SEPTIN9: variants seen among roughly 807,000 people sequenced by gnomAD.
SEPTIN9 encodes the protein septin 9.
In SEPTIN9, 13 loss-of-function variants were observed where a neutral mutation model predicts 56.6. That is an observed-to-expected ratio of 0.23 (90% CI 0.15 to 0.37). The LOEUF (loss-of-function observed/expected upper bound fraction) is 0.37. SEPTIN9 is among the 10% of genes least tolerant of loss of function. The probability of loss-of-function intolerance (pLI) is 1.00; values close to 1 mark genes in which losing one functional copy is unlikely to be tolerated. For synonymous variants in SEPTIN9, 332 were observed against 334.1 expected, an observed-to-expected ratio of 0.99 and a Z score of 0.07; for missense variants, 650 against 823.1, an observed-to-expected ratio of 0.79 and a Z score of 2.57.
chr17:77,377,747 C>T (rs1407684722), intron 2 of SEPTIN9, among the ~76,000 whole-genome samples: 1 of 152,214 alleles, frequency 6.6e-6, no homozygotes, highest in Non-Finnish European at 1.5e-5. Flanking sequence ...CCTCTTTCCT[C>T]TCTAGAGAAA....
In SEPTIN9 at chr17:77,450,502, A is replaced by G. The variant is rs1330486697; in HGVS notation, c.722-31642A>G. 1.0e-6 allele frequency: 1 copy of G among 985,264 alleles called. No individual in the cohort carries two copies. The highest frequency in any genetic ancestry group is 1.7e-5 in the African/African-American group (1 of 57,186). The allele number at this position is 985,264 out of a possible 1,614,324, so 61.0% of individuals were successfully genotyped here. ...CCCAGGCGCTCTCTCCTAGTGTGGG[A>G]GTGGCCACGCCCCTGCTGGGAGTGA... On this transcript the variant is annotated intron_variant, in intron 3 of 11. Transcript: ENST00000427177. The surrounding 1 kb of genome is among the most constrained non-coding windows in gnomAD (Gnocchi z 6.0).
intron 2 of SEPTIN9, among the ~76,000 whole-genome samples, chr17:77,361,157 A>G (rs765005668): frequency 6.6e-6 from 1 of 151,960 alleles, no homozygotes; most frequent in African/African-American, 2.4e-5. Context: ...CTCCTTACCT[A>G]AGGTGATCCA....
chr17:77,484,550 G>GTGA (rs1312536418), intron 4 of SEPTIN9, among the ~76,000 whole-genome samples: 1 of 145,300 alleles, frequency 6.9e-6, no homozygotes, highest in African/African-American at 2.6e-5. Flanking sequence ...GGTGATGGTG[G>GTGA]TGATGATGGT....
At position 77,500,397 on chromosome 17, in the gene SEPTIN9, T is replaced by TGGGGGG; in HGVS notation, c.*1742_*1743insGGGGGG. The TGGGGGG allele has an allele frequency of 6.1e-6, 1 of 163,258 alleles. No homozygotes were observed. The highest frequency in any genetic ancestry group is 1.3e-4 in the East Asian group (1 of 7,784). The allele number at this position is 163,258 out of a possible 1,614,324, so 10.1% of individuals were successfully genotyped here. Reference sequence around the variant, plus strand: ...ACTTGGTGGCGGGGTGGGGTGGGGGTGGGCAGCAGCATCCCAGCCTTGAGA... The same window carrying TGGGGGG: ...ACTTGGTGGCGGGGTGGGGTGGGGGTGGGGGGGGGCAGCAGCATCCCAGCCTTGAGA... On this transcript the variant is annotated 3_prime_UTR_variant, in exon 12 of 12. Transcript: ENST00000427177.
intron 2 of SEPTIN9, among the ~76,000 whole-genome samples, chr17:77,315,373 C>T (rs1249910559): frequency 1.3e-5 from 2 of 152,002 alleles, no homozygotes; most frequent in Admixed American, 1.3e-4. Context: ...CTGCAACCTC[C>T]ACCTCCCAGG....
At chr17:77,365,471 T>C (rs1170229503) in intron 2 of SEPTIN9, among the ~76,000 whole-genome samples, 2 of 152,164 alleles carry the variant, frequency 1.3e-5, no homozygotes, top group Non-Finnish European at 2.9e-5. Context: ...CTTTCCTCTT[T>C]TTTGAACAGC....
chr17:77,430,990 CA>C (rs144630121), intron 3 of SEPTIN9, among the ~76,000 whole-genome samples: 7,836 of 126,708 alleles, frequency 0.062, 582 homozygotes, highest in African/African-American at 0.2. Context: ...TACTCCGTAT[CA>C]AAAAAAAAAA....
chr17:77,475,449 C>T lies in SEPTIN9; in HGVS notation c.722-6695C>T. 2.6e-6 allele frequency: 4 copies of T among 1,536,958 alleles called. No individual in the cohort carries two copies. Among genetic ancestry groups the T allele is most frequent in the Non-Finnish European group, 3.5e-6 (4 of 1,145,468 alleles). Reference sequence around the variant, plus strand: ...TAGCATTGCCTGCATCAGGGACTCACTCAGCTTTAAGAAGCCCCTTTGTGG... The same window carrying T: ...TAGCATTGCCTGCATCAGGGACTCATTCAGCTTTAAGAAGCCCCTTTGTGG... On this transcript the variant is annotated intron_variant, in intron 3 of 11. Coordinates refer to ENST00000427177, the MANE Select transcript of SEPTIN9 (RefSeq NM_001113491.2). This position sits in a 1 kb window ranked among gnomAD's most constrained non-coding sequence, Gnocchi z 4.6.
At chr17:77,477,300 C>T (rs2039256531) in intron 3 of SEPTIN9, among the ~76,000 whole-genome samples, 1 of 152,148 alleles carries the variant, frequency 6.6e-6, no homozygotes, top group Admixed American at 6.5e-5. Flanking sequence ...ATCCTCGGTA[C>T]ACAGTCACTC....
At position 77,328,187 on chromosome 17, in the gene SEPTIN9, G is replaced by A. The variant is rs373589076; in HGVS notation, c.76+20990G>A. On this transcript the variant is annotated intron_variant, in intron 2 of 11. Coordinates refer to ENST00000427177, the MANE Select transcript of SEPTIN9 (RefSeq NM_001113491.2). Reference sequence around the variant, plus strand: ...CCCAGTGTGTCCCTGTATCCAGGGCGTCCCCATGCCCAGGGTGTCCCCATG... The same window carrying A: ...CCCAGTGTGTCCCTGTATCCAGGGCATCCCCATGCCCAGGGTGTCCCCATG... Among the ~76,000 whole-genome samples, 70 of 142,874 alleles carry A rather than the reference G, an allele frequency of 4.9e-4. 1 individual carries two copies. The South Asian group carries it at 7.9e-3, about 16-fold the overall frequency. The allele number at this position is 142,874 out of a possible 152,430, so 93.7% of individuals were successfully genotyped here.
intron 8 of SEPTIN9, 47 bp downstream of exon 8, chr17:77,490,906 GA>G: frequency 6.9e-7 from 1 of 1,439,054 alleles, no homozygotes; most frequent in Non-Finnish European, 9.6e-7. Flanking sequence ...GCAACCTGGA[GA>G]CGCTGCAGGC....
chr17:77,284,421 C>T (rs558655819), intron 1 of SEPTIN9, among the ~76,000 whole-genome samples: 4 of 152,306 alleles, frequency 2.6e-5, no homozygotes, highest in South Asian at 2.1e-4. Context: ...CAGGCTTTCC[C>T]GATTGCCTCA....
intron 2 of SEPTIN9, among the ~76,000 whole-genome samples, chr17:77,311,576 C>G (rs2032495699): frequency 6.6e-6 from 1 of 152,176 alleles, no homozygotes. Flanking sequence ...GCAGGAGTGC[C>G]TGGCTCCACC....
chr17:77,338,455 A>G (rs376898412), intron 2 of SEPTIN9, among the ~76,000 whole-genome samples: 64 of 151,692 alleles, frequency 4.2e-4, no homozygotes, highest in Admixed American at 1.6e-3. Flanking sequence ...GTCTTGCTCT[A>G]TTGCCCAGGC....
chr17:77,320,645 C>T (rs1356184169), intron 2 of SEPTIN9, among the ~76,000 whole-genome samples: 1 of 152,310 alleles, frequency 6.6e-6, no homozygotes, highest in East Asian at 1.9e-4. Flanking sequence ...CTGTTGGCGC[C>T]GAAACCTTGG....
chr17:77,305,539 C>T (rs1433344648), intron 1 of SEPTIN9, among the ~76,000 whole-genome samples: 3 of 152,090 alleles, frequency 2.0e-5, no homozygotes, highest in African/African-American at 7.2e-5. Flanking sequence ...CTCTTTGGAG[C>T]CTTGTGTCAC....
At chr17:77,349,933 G>A (rs1174170819) in intron 2 of SEPTIN9, among the ~76,000 whole-genome samples, 2 of 152,196 alleles carry the variant, frequency 1.3e-5, no homozygotes, top group African/African-American at 4.8e-5. Flanking sequence ...GTTGCCATGA[G>A]TGTGTAAAAC....
At chr17:77,463,235 T>G (rs1198646000) in intron 3 of SEPTIN9, among the ~76,000 whole-genome samples, 1 of 152,196 alleles carries the variant, frequency 6.6e-6, no homozygotes, top group East Asian at 1.9e-4. Flanking sequence ...AAATATTTAC[T>G]ATGCCAAGGC....
intron 4 of SEPTIN9, among the ~76,000 whole-genome samples, chr17:77,484,949 C>G (rs111218849): frequency 0.086 from 67 of 778 alleles, 1 homozygote; most frequent in Admixed American, 0.12. Context: ...GGGAGTGATG[C>G]TGGTGATTGT....
Sources: allele counts gnomAD v4.1 joint callset (sites outside exome capture counted in the v4.1 genomes callset), GRCh38; gene constraint gnomAD v4.1.1; non-coding constraint Gnocchi (gnomAD v3.1); transcripts MANE v1.5; gene names NCBI Gene and HGNC (gene_info 2026-07-23, HGNC 2026-07-21).